The following GGTA1 variants were observed in gnomAD, a reference collection of about 807,000 sequenced individuals.
GGTA1 encodes the protein glycoprotein alpha-galactosyltransferase 1 (inactive).
In GGTA1, 5 loss-of-function variants were observed where a neutral mutation model predicts 2.6. The ratio of observed to expected loss-of-function variants is 1.92; its 90% CI spans 1.00 to 4.04. The LOEUF (loss-of-function observed/expected upper bound fraction) is 4.04, where lower values mean the gene tolerates loss of function less well. Ranked by LOEUF, GGTA1 falls within the 30% of genes most tolerant of loss-of-function variation. GGTA1 has a pLI of 0.00. For synonymous variants in GGTA1, 17 were observed against 5.0 expected (o/e 3.38, Z -3.19); for missense variants, 50 against 16.7 (o/e 2.99, Z -3.47).
At chr9:121,474,430 C>A (rs906660357) in intron 1 of GGTA1, among the ~76,000 whole-genome samples, 5 of 152,218 alleles carry the variant, frequency 3.3e-5, no homozygotes, top group Non-Finnish European at 4.4e-5. Context: ...AAGGCAGGGT[C>A]ACATTGTACA....
At chr9:121,493,894 T>G (rs760584301) in intron 1 of GGTA1, among the ~76,000 whole-genome samples, 1 of 151,854 alleles carries the variant, frequency 6.6e-6, no homozygotes, top group Non-Finnish European at 1.5e-5. Flanking sequence ...GTAGCTGAGA[T>G]TACAGGCACG....
rs76955893 is a variant in GGTA1, at chr9:121,476,414, G to A, written c.-9-8483C>T. ...TGCCAGCTTTCTAAACTGGCGTCAC[G>A]AGTTTCTCTGGCCTCAGACTCCTTG... is the stretch of plus-strand genomic sequence containing the variant. On this transcript the variant is annotated intron_variant, in intron 1 of 5. Coordinates refer to ENST00000481799, the MANE Select transcript of GGTA1 (RefSeq NM_001382585.1). The surrounding 1 kb of genome is among the most constrained non-coding windows in gnomAD (Gnocchi z 4.6). Among the ~76,000 whole-genome samples the A allele has an allele frequency of 0.011, 1,706 of 152,090 alleles. 32 individuals are homozygous for A. Among genetic ancestry groups the A allele is most frequent in the African/African-American group, 0.04 (1,638 of 41,444 alleles).
At chr9:121,484,344 T>C (rs1449518600) in intron 1 of GGTA1, among the ~76,000 whole-genome samples, 1 of 152,180 alleles carries the variant, frequency 6.6e-6, no homozygotes, top group Non-Finnish European at 1.5e-5. Flanking sequence ...TCATCTGTTT[T>C]TCCCTTCTAC....
chr9:121,447,927 C>T (rs764986785), intron 7 of GGTA1, among the ~76,000 whole-genome samples: 1 of 152,188 alleles, frequency 6.6e-6, no homozygotes, highest in Non-Finnish European at 1.5e-5. Flanking sequence ...TCCTTCCTCT[C>T]CTCTGGCTCT....
At chr9:121,487,213 G>A (rs1295939179) in intron 1 of GGTA1, among the ~76,000 whole-genome samples, 3 of 152,092 alleles carry the variant, frequency 2.0e-5, no homozygotes, top group Non-Finnish European at 4.4e-5. Flanking sequence ...GGACAGCAGT[G>A]AGATGCAGGA....
intron 1 of GGTA1, among the ~76,000 whole-genome samples, chr9:121,487,304 C>T (rs965359093): frequency 8.7e-5 from 13 of 149,802 alleles, no homozygotes; most frequent in Non-Finnish European, 1.6e-4. Context: ...TCAGGCTGCG[C>T]GCGGTGACTC....
intron 1 of GGTA1, among the ~76,000 whole-genome samples, chr9:121,473,405 C>T (rs55955906): frequency 0.31 from 46,968 of 151,170 alleles, 7,573 homozygotes; most frequent in Middle Eastern, 0.4. Flanking sequence ...TACAAATAGG[C>T]GGTGACATGC....
chr9:121,464,778 C>A (rs1032296538), intron 2 of GGTA1, among the ~76,000 whole-genome samples: 1 of 152,090 alleles, frequency 6.6e-6, no homozygotes, highest in African/African-American at 2.4e-5. Flanking sequence ...CTCTAAAATT[C>A]GAAGATTATT....
chr9:121,499,053 C>T (rs893189967), intron 1 of GGTA1, among the ~76,000 whole-genome samples: 12 of 152,090 alleles, frequency 7.9e-5, no homozygotes. Flanking sequence ...GCTGCAGGCA[C>T]CCCGGATGCC....
At chr9:121,473,413 T>C (rs905041599) in intron 1 of GGTA1, among the ~76,000 whole-genome samples, 44 of 151,696 alleles carry the variant, frequency 2.9e-4, no homozygotes, top group African/African-American at 9.9e-4. Flanking sequence ...GGCGGTGACA[T>C]GCTTCCTGGA....
At chr9:121,495,025 A>T (rs1001541245) in intron 1 of GGTA1, among the ~76,000 whole-genome samples, 1 of 150,640 alleles carries the variant, frequency 6.6e-6, no homozygotes, top group African/African-American at 2.4e-5. Flanking sequence ...CCCGGGTTCA[A>T]GCAATTCTCA....
downstream of GGTA1, chr9:121,451,883 T>C (rs2118748046): frequency 6.6e-6 from 1 of 152,382 alleles, no homozygotes; most frequent in African/African-American, 2.4e-5. Context: ...ACCCTGGGCT[T>C]GGTGGGTGGA....
At chr9:121,448,348 C>T (rs762758039) in intron 7 of GGTA1, among the ~76,000 whole-genome samples, 5 of 152,176 alleles carry the variant, frequency 3.3e-5, no homozygotes, top group Admixed American at 1.3e-4. Flanking sequence ...AACAGCAGCA[C>T]TCTCTTGTCC....
chr9:121,485,609 G>T (rs1378797149), intron 1 of GGTA1, among the ~76,000 whole-genome samples: 1 of 152,124 alleles, frequency 6.6e-6, no homozygotes, highest in Non-Finnish European at 1.5e-5. Context: ...CCCAAACCTG[G>T]GACTCAGGCC....
At chr9:121,474,529 T>C (rs918573998) in intron 1 of GGTA1, among the ~76,000 whole-genome samples, 2 of 152,174 alleles carry the variant, frequency 1.3e-5, no homozygotes, top group African/African-American at 2.4e-5. Context: ...GACTTTTCCA[T>C]ATGGCCTATA....
chr9:121,499,666 G>C lies in GGTA1; in HGVS notation c.-26C>G, dbSNP rs2118797706. The stretch of plus-strand genomic sequence containing the variant: ...GGGACCCACCTGATCCGCAGAACCA[G>C]GGCGCCGAGGGCCGGCGCGCGGTGA... On this transcript the variant is annotated 5_prime_UTR_variant, in exon 1 of 6. Transcript: ENST00000481799. 1 of 152,424 alleles carries C rather than the reference G, an allele frequency of 6.6e-6. No homozygotes were observed. The highest frequency in any genetic ancestry group is 1.9e-4 in the East Asian group (1 of 5,154). 9.4% of individuals were successfully genotyped at this position (152,424 alleles called of 1,614,324 possible). A position where few individuals can be genotyped will look rare whatever the true frequency, so the allele number is the denominator to read the frequency against.
chr9:121,451,875 C>T (rs540388847), downstream of GGTA1: 69 of 152,162 alleles, frequency 4.5e-4, no homozygotes, highest in Non-Finnish European at 7.9e-4. Context: ...TGCTGTTGAC[C>T]CTGGGCTTGG....
chr9:121,463,272 T>C (rs72762135), intron 3 of GGTA1, 21 bp downstream of exon 3: 20,950 of 451,994 alleles, frequency 0.046, 685 homozygotes, highest in Middle Eastern at 0.086. Flanking sequence ...CCCCTAGAAA[T>C]CTAGAATTCA....
chr9:121,474,216 TG>T lies in GGTA1; in HGVS notation c.-9-6286del, dbSNP rs540964062. ...CCAGCCCCAGTTGCACAGCCTGCAA[TG>T]GTCCAGAGCCCTCCTGCCATCTCTC... On this transcript the variant is annotated intron_variant, in intron 1 of 5. Transcript: ENST00000481799. Among the ~76,000 whole-genome samples, 3 of 152,170 alleles carry T rather than the reference TG, an allele frequency of 2.0e-5. No homozygotes were observed. In the East Asian group the frequency reaches 5.8e-4, roughly 30 times the overall value.
Sources: gnomAD v4.1 joint callset for allele counts (sites outside exome capture counted in the v4.1 genomes callset) on GRCh38, gnomAD v4.1.1 for gene constraint, Gnocchi (gnomAD v3.1) non-coding constraint, MANE v1.5 for transcripts, NCBI Gene and HGNC (gene_info 2026-07-23, HGNC 2026-07-21) for gene names.